Variants in BANF2 observed in about 807,000 individuals in gnomAD.
BANF2 encodes the protein BANF family member 2.
In BANF2, 4 loss-of-function variants were observed where a neutral mutation model predicts 8.0. That is an observed-to-expected ratio of 0.50 (90% confidence interval 0.25 to 1.14). BANF2 has a LOEUF of 1.14. BANF2 is among the 50% of genes most tolerant of loss of function. The pLI is 0.16. For missense variants in BANF2, 96 were observed against 107.5 expected (o/e 0.89, Z 0.47); for synonymous variants, 50 against 40.6 (o/e 1.23, Z -0.88).
At chr20:17,695,243 T>G (rs1164099097), upstream of BANF2, among the ~76,000 whole-genome samples, 1 of 151,752 alleles carries the variant, frequency 6.6e-6, no homozygotes, top group Admixed American at 6.6e-5. Context: ...GCCCAGGGGT[T>G]TGAGACCAGC....
At chr20:17,720,147 T>A (rs950967894) in intron 1 of BANF2, among the ~76,000 whole-genome samples, 1 of 152,202 alleles carries the variant, frequency 6.6e-6, no homozygotes, top group Non-Finnish European at 1.5e-5. Flanking sequence ...TAAGTGCCAC[T>A]GGTACAGCCG....
In BANF2 at chr20:17,700,063, T is replaced by C. The variant is rs2037385274; in HGVS notation, c.-167+8T>C. 2.1e-6 allele frequency: 2 copies of C among 947,784 alleles called. No homozygotes were observed. The highest frequency in any genetic ancestry group is 4.9e-5 in the South Asian group (1 of 20,416). The allele number at this position is 947,784 out of a possible 1,614,324, so 58.7% of individuals were successfully genotyped here. On this transcript the variant is annotated splice_region_variant and intron_variant, in intron 1 of 3. Transcript: ENST00000246090. ...GCTTATCAGGAGCACCTGGTGAGTATTCAGAACTTTCCCAAGCAGCATGGA... is the reference window on the plus strand; with the variant it reads ...GCTTATCAGGAGCACCTGGTGAGTACTCAGAACTTTCCCAAGCAGCATGGA...
intron 1 of BANF2, among the ~76,000 whole-genome samples, chr20:17,716,746 C>T (rs1218521294): frequency 2.2e-5 from 3 of 137,708 alleles, no homozygotes; most frequent in Non-Finnish European, 3.0e-5. Flanking sequence ...GAGGCTGAGA[C>T]GGGAGAATCT....
chr20:17,730,003 C>T (rs977151015), intron 3 of BANF2, among the ~76,000 whole-genome samples: 37 of 152,190 alleles, frequency 2.4e-4, no homozygotes, highest in African/African-American at 8.7e-4. Context: ...GTAAGTTTAG[C>T]ATTGCAGAGA....
upstream of BANF2, among the ~76,000 whole-genome samples, chr20:17,698,760 G>C (rs2037372765): frequency 6.6e-6 from 1 of 152,240 alleles, no homozygotes; most frequent in Non-Finnish European, 1.5e-5. Flanking sequence ...GACAACGTCA[G>C]TTGTGCTTCC....
At chr20:17,731,019 G>A (rs944115359) in intron 3 of BANF2, among the ~76,000 whole-genome samples, 1 of 152,224 alleles carries the variant, frequency 6.6e-6, no homozygotes, top group African/African-American at 2.4e-5. Flanking sequence ...GCTCCTGCCT[G>A]TAATCCCAGA....
intron 1 of BANF2, among the ~76,000 whole-genome samples, chr20:17,714,315 T>C (rs919758296): frequency 6.6e-6 from 1 of 152,160 alleles, no homozygotes; most frequent in Non-Finnish European, 1.5e-5. Flanking sequence ...TGCTTGTCCA[T>C]TCTTTATATG....
At chr20:17,708,675 CCT>C (rs2037523816) in intron 1 of BANF2, among the ~76,000 whole-genome samples, 1 of 152,042 alleles carries the variant, frequency 6.6e-6, no homozygotes, top group African/African-American at 2.4e-5. Flanking sequence ...TTGCCTTGTC[CCT>C]CTGGCTTTTT....
intron 2 of BANF2, among the ~76,000 whole-genome samples, chr20:17,723,222 T>G (rs985198229): frequency 1.3e-5 from 2 of 152,140 alleles, no homozygotes; most frequent in Non-Finnish European, 2.9e-5. Context: ...AGCCCAGAGG[T>G]AGAACACACA....
chr20:17,707,672 T>C (rs1451248600), intron 1 of BANF2, among the ~76,000 whole-genome samples: 2 of 152,118 alleles, frequency 1.3e-5, no homozygotes, highest in South Asian at 2.1e-4. Context: ...ATCCACCTCC[T>C]GGGTTTAAGT....
chr20:17,700,915 C>T (rs969408995), intron 1 of BANF2, among the ~76,000 whole-genome samples: 4 of 152,222 alleles, frequency 2.6e-5, no homozygotes, highest in Non-Finnish European at 5.9e-5. Context: ...AGTGCCAACA[C>T]GTCCACACAG....
At chr20:17,727,544 G>A (rs960626811) in intron 3 of BANF2, among the ~76,000 whole-genome samples, 6 of 152,194 alleles carry the variant, frequency 3.9e-5, no homozygotes, top group African/African-American at 1.4e-4. Context: ...AGGGTCTGGA[G>A]TCCGGCTGGG....
intron 1 of BANF2, among the ~76,000 whole-genome samples, chr20:17,701,558 G>A (rs1415072214): frequency 1.3e-5 from 2 of 152,238 alleles, no homozygotes; most frequent in African/African-American, 4.8e-5. Context: ...GCATGGAAGG[G>A]AACGGGATTC....
At chr20:17,710,535 A>G (rs984632837) in intron 1 of BANF2, among the ~76,000 whole-genome samples, 6 of 152,280 alleles carry the variant, frequency 3.9e-5, no homozygotes, top group Admixed American at 2.0e-4. Flanking sequence ...CGCCAGCTCA[A>G]TTCGGTTCCA....
intron 3 of BANF2, among the ~76,000 whole-genome samples, chr20:17,730,533 C>T (rs2037879135): frequency 6.6e-6 from 1 of 152,062 alleles, no homozygotes; most frequent in Non-Finnish European, 1.5e-5. Context: ...GCCCTCACTT[C>T]CTTACAGGCG....
chr20:17,694,128 T>C, intron 1 of BANF2, among the ~76,000 whole-genome samples: 1 of 152,232 alleles, frequency 6.6e-6, no homozygotes, highest in East Asian at 1.9e-4. Flanking sequence ...GAGCACCTAC[T>C]GTGCTCCAGG....
chr20:17,696,497 A>G (rs745443349), upstream of BANF2, among the ~76,000 whole-genome samples: 4 of 152,174 alleles, frequency 2.6e-5, no homozygotes, highest in Non-Finnish European at 5.9e-5. Context: ...TCTTTTTAAT[A>G]TTAGCCATTC....
intron 1 of BANF2, among the ~76,000 whole-genome samples, chr20:17,708,007 G>A (rs1019027007): frequency 5.0e-5 from 7 of 139,716 alleles, no homozygotes; most frequent in Admixed American, 2.3e-4. Flanking sequence ...TTTGAGACCA[G>A]CCTGGCCAAC....
At chr20:17,698,132 C>T (rs565319675), upstream of BANF2, among the ~76,000 whole-genome samples, 5 of 151,994 alleles carry the variant, frequency 3.3e-5, no homozygotes, top group South Asian at 4.2e-4. Context: ...TGCTTGAACC[C>T]GGGAGGCGGA....
Sources: gnomAD v4.1 joint callset for allele counts (sites outside exome capture counted in the v4.1 genomes callset) on GRCh38, gnomAD v4.1.1 for gene constraint, MANE v1.5 for transcripts, NCBI Gene and HGNC (gene_info 2026-07-23, HGNC 2026-07-21) for gene names.